BICRA: variants seen among roughly 807,000 people sequenced by gnomAD.
BICRA encodes BRD4 interacting chromatin remodeling complex associated protein.
A neutral mutation model predicts 96.9 loss-of-function variants in BICRA; 31 were observed. The observed-to-expected ratio is 0.32, with a 90% CI of 0.24 to 0.43. BICRA has a LOEUF of 0.43. BICRA is among the 20% of genes least tolerant of loss of function. The probability of loss-of-function intolerance (pLI) is 1.00; values close to 1 mark genes in which losing one functional copy is unlikely to be tolerated. For synonymous variants in BICRA, 1,350 were observed against 1,071.8 expected (o/e 1.26, Z -5.07); for missense variants, 2,283 against 2,190.3 (o/e 1.04, Z -0.84).
chr19:47,653,806 C>A (rs1001072493), intron 1 of BICRA, among the ~76,000 whole-genome samples: 6 of 152,146 alleles, frequency 3.9e-5, no homozygotes, highest in African/African-American at 1.4e-4. Flanking sequence ...AGTAAAGGTG[C>A]TGCGGATGTT....
intron 7 of BICRA, among the ~76,000 whole-genome samples, chr19:47,683,680 G>C (rs533890697): frequency 6.6e-6 from 1 of 152,088 alleles, no homozygotes; most frequent in East Asian, 1.9e-4. Flanking sequence ...CGCCTCTCGG[G>C]TTCACGCCAT....
chr19:47,613,214 G>A (rs555252114), intron 1 of BICRA, among the ~76,000 whole-genome samples: 1 of 152,038 alleles, frequency 6.6e-6, no homozygotes, highest in Admixed American at 6.6e-5. Context: ...GTTCCTGGGG[G>A]TGTATAAGGC....
At chr19:47,635,014 G>A (rs985754742) in intron 1 of BICRA, among the ~76,000 whole-genome samples, 2 of 151,972 alleles carry the variant, frequency 1.3e-5, no homozygotes, top group Non-Finnish European at 2.9e-5. Flanking sequence ...CGCCCGCCTT[G>A]GCCTCCCAAA....
chr19:47,703,263 T>G lies in BICRA; in HGVS notation c.*848T>G, dbSNP rs1466198740. 1 of 152,538 alleles carries G rather than the reference T, an allele frequency of 6.6e-6. No individual in the cohort carries two copies. Among genetic ancestry groups the G allele is most frequent in the Non-Finnish European group, 1.5e-5 (1 of 68,036 alleles). 9.4% of individuals were successfully genotyped at this position (152,538 alleles called of 1,614,324 possible). ...CTCTTGTAAATTAAAAACCGATCCT[T>G]TTTTTAAAACTGTACTCATGCCCCC... On this transcript the variant is annotated 3_prime_UTR_variant, in exon 15 of 15. Coordinates refer to ENST00000594866, the MANE Select transcript of BICRA (RefSeq NM_001394372.1).
chr19:47,678,076 A>T (rs1176130802), intron 5 of BICRA, among the ~76,000 whole-genome samples: 1 of 152,188 alleles, frequency 6.6e-6, no homozygotes, highest in Non-Finnish European at 1.5e-5. Context: ...TTGTGGGCCT[A>T]TATCACTATT....
At chr19:47,633,758 A>AT (rs1311646659) in intron 1 of BICRA, among the ~76,000 whole-genome samples, 1 of 152,252 alleles carries the variant, frequency 6.6e-6, no homozygotes, top group East Asian at 1.9e-4. Flanking sequence ...GGTATTAATC[A>AT]TGCTAATGGT....
In BICRA at chr19:47,698,839, C is replaced by T. The variant is rs905273081; in HGVS notation, c.3397+57C>T. 8 of 1,450,034 alleles carry T rather than the reference C, an allele frequency of 5.5e-6. No individual in the cohort carries two copies. Among genetic ancestry groups the T allele is most frequent in the Non-Finnish European group, 7.6e-6 (8 of 1,056,692 alleles). The allele number at this position is 1,450,034 out of a possible 1,614,324, so 89.8% of individuals were successfully genotyped here. The stretch of plus-strand genomic sequence containing the variant: ...TCCCAGGGGACCCCAGCCCGTGGGG[C>T]GGGGCGTCGCCAGTGTGGAGCCGCA... On this transcript the variant is annotated intron_variant, in intron 12 of 14. Coordinates refer to ENST00000594866, the MANE Select transcript of BICRA (RefSeq NM_001394372.1). The surrounding 1 kb of genome is among the most constrained non-coding windows in gnomAD (Gnocchi z 4.8).
In BICRA at chr19:47,679,612, G is replaced by C. The variant is rs35338053; in HGVS notation, c.442G>C (p.Gly148Arg). ...CGGGGCAGGCCCGACGGGCGCTGGAGGGGCAGCGGCCGTGGCTGCGGGGCC... is the reference window on the plus strand; with the variant it reads ...CGGGGCAGGCCCGACGGGCGCTGGACGGGCAGCGGCCGTGGCTGCGGGGCC... ...DGGAGPTGAG[G>R]AAAVAAGPQA... The change falls in exon 6 of 15, where the codon GGG (glycine) becomes CGG (arginine). Residue 148 changes from glycine (G) to arginine (R), a missense_variant. Physicochemically the swap from Gly to Arg is moderately radical, Grantham distance 125. Transcript: ENST00000594866. 1.3e-6 allele frequency: 2 copies of C among 1,523,656 alleles called. No homozygotes were observed. The highest frequency in any genetic ancestry group is 1.4e-5 in the African/African-American group (1 of 72,110). The allele number at this position is 1,523,656 out of a possible 1,614,324, so 94.4% of individuals were successfully genotyped here. A position where few individuals can be genotyped will look rare whatever the true frequency, so the allele number is the denominator to read the frequency against.
In BICRA at chr19:47,694,313, C is replaced by T; in HGVS notation, c.2482C>T (p.Pro828Ser). 1 of 1,087,484 alleles carries T rather than the reference C, an allele frequency of 9.2e-7. No individual in the cohort carries two copies. The highest frequency in any genetic ancestry group is 2.6e-5 in the East Asian group (1 of 38,156). The allele number at this position is 1,087,484 out of a possible 1,614,324, so 67.4% of individuals were successfully genotyped here. A position where few individuals can be genotyped will look rare whatever the true frequency, so the allele number is the denominator to read the frequency against. Residue 828 changes from proline to serine, a missense_variant, in exon 8 of 15, where the codon CCC (proline) becomes TCC (serine). Pro to Ser is a moderately conservative substitution (Grantham distance 74, BLOSUM62 -1). Transcript: ENST00000594866. ...PLHPCPPPQA[P>S]PTLPGIFVIQ... The stretch of plus-strand genomic sequence containing the variant: ...GCACCCTTGCCCCCCACCCCAGGCC[C>T]CCCCAACTCTGCCTGGCATCTTTGT...
chr19:47,613,237 C>T lies in BICRA; in HGVS notation c.-108+4069C>T, dbSNP rs566705551. On this transcript the variant is annotated intron_variant, in intron 1 of 14. Coordinates refer to ENST00000594866, the MANE Select transcript of BICRA (RefSeq NM_001394372.1). Reference sequence around the variant, plus strand: ...GGGTGTATAAGGCTCCCCAGGTTCCCGTGGGCCACCTTGTAGCCCAGGTCT... The same window carrying T: ...GGGTGTATAAGGCTCCCCAGGTTCCTGTGGGCCACCTTGTAGCCCAGGTCT... Among the ~76,000 whole-genome samples the T allele has an allele frequency of 1.7e-4, 26 of 152,192 alleles. 1 individual carries two copies. The highest frequency in any genetic ancestry group is 2.1e-4 in the South Asian group (1 of 4,810).
Position 47,701,343 on chromosome 19 carries a change from C to T in BICRA, c.3611C>T (p.Ser1204Phe). 1.2e-6 allele frequency: 2 copies of T among 1,610,930 alleles called. No homozygotes were observed. The highest frequency in any genetic ancestry group is 1.7e-6 in the Non-Finnish European group (2 of 1,179,226). ...GATTCTGCAGACGAGTACGTGTCTT[C>T]CTCCCGCTCGCTCGGCCTCCCCATC... is the stretch of plus-strand genomic sequence containing the variant. ...AKEKPDEYVSSSRSLGLPIAA... is the reference protein window; with the variant it reads ...AKEKPDEYVSFSRSLGLPIAA... Residue 1204 changes from serine (S) to phenylalanine (F), a missense_variant, in exon 15 of 15, where the codon TCC becomes TTC. Physicochemically the swap from Ser to Phe is radical, Grantham distance 155. Transcript: ENST00000594866. The surrounding 1 kb of genome is among the most constrained non-coding windows in gnomAD (Gnocchi z 5.4).
chr19:47,667,015 C>CT (rs894487785), intron 1 of BICRA, among the ~76,000 whole-genome samples: 1 of 150,930 alleles, frequency 6.6e-6, no homozygotes, highest in African/African-American at 2.4e-5. Flanking sequence ...CCGTTCATGT[C>CT]TTTTTTCTTT....
At chr19:47,638,430 C>G (rs971334555) in intron 1 of BICRA, among the ~76,000 whole-genome samples, 1 of 152,146 alleles carries the variant, frequency 6.6e-6, no homozygotes, top group African/African-American at 2.4e-5. Context: ...GTATAAAACT[C>G]AGATGGTACC....
At chr19:47,628,612 G>T (rs1272559686) in intron 1 of BICRA, among the ~76,000 whole-genome samples, 1 of 152,044 alleles carries the variant, frequency 6.6e-6, no homozygotes, top group East Asian at 1.9e-4. Flanking sequence ...TGACCTCTGT[G>T]GGGAGTTTGG....
Position 47,679,431 on chromosome 19 carries a change from AG to A in BICRA, c.266del (p.Gly89AlafsTer88). 3 of 1,489,076 alleles carry A rather than the reference AG, an allele frequency of 2.0e-6. No homozygotes were observed. Among genetic ancestry groups the A allele is most frequent in the Non-Finnish European group, 9.0e-7 (1 of 1,117,184 alleles). 92.2% of individuals were successfully genotyped at this position (1,489,076 alleles called of 1,614,324 possible). A position where few individuals can be genotyped will look rare whatever the true frequency, so the allele number is the denominator to read the frequency against. Reference protein sequence around the residue: ...EDDILGSPATGGGGGGSGGAD... With the variant: ...EDDILGSPATXGGGGGSGGAD... ...ATGACATCCTGGGCTCTCCTGCGACAGGGGGCGGCGGCGGGGGCAGTGGGGG... is the reference window on the plus strand; with the variant it reads ...ATGACATCCTGGGCTCTCCTGCGACAGGGGCGGCGGCGGGGGCAGTGGGGG... On this transcript the variant is annotated frameshift_variant, in exon 6 of 15. Transcript: ENST00000594866. LOFTEE classifies it high-confidence loss of function.
chr19:47,636,436 T>C lies in BICRA; in HGVS notation c.-108+27268T>C, dbSNP rs528933667. 2.0e-5 allele frequency among the ~76,000 whole-genome samples: 3 copies of C among 152,298 alleles called. No individual in the cohort carries two copies. In the South Asian group the frequency reaches 6.2e-4, roughly 32 times the overall value. ...GTTGCCCAGGTTGGTCTCCAACTCTTGAGCTCAAGTGATCCTCCTGCCTGG... is the reference window on the plus strand; with the variant it reads ...GTTGCCCAGGTTGGTCTCCAACTCTCGAGCTCAAGTGATCCTCCTGCCTGG... On this transcript the variant is annotated intron_variant, in intron 1 of 14. Transcript: ENST00000594866.
rs1380629086 is a variant in BICRA, at chr19:47,679,993, C to T, written c.823C>T (p.Leu275=). 2 of 1,483,058 alleles carry T rather than the reference C, an allele frequency of 1.3e-6. No homozygotes were observed. The highest frequency in any genetic ancestry group is 1.8e-6 in the Non-Finnish European group (2 of 1,126,362). 91.9% of individuals were successfully genotyped at this position (1,483,058 alleles called of 1,614,324 possible). A position where few individuals can be genotyped will look rare whatever the true frequency, so the allele number is the denominator to read the frequency against. The change falls in exon 6 of 15, where the codon CTG becomes TTG. Residue 275 remains leucine, a synonymous_variant. Transcript: ENST00000594866. ...GGCTGGCCCCTCGGAGCCCGTGACG[C>T]TGGCGTCGGCCGGTGTCTCGCCACA... ...SAAGPSEPVT[L]ASAGVSPQGA...
Position 47,651,684 on chromosome 19 carries a change from C to T in BICRA, c.-107-18759C>T, listed in dbSNP as rs1187833013. 2.0e-5 allele frequency among the ~76,000 whole-genome samples: 3 copies of T among 152,122 alleles called. No homozygotes were observed. The East Asian group carries it at 5.8e-4, about 29-fold the overall frequency. On this transcript the variant is annotated intron_variant, in intron 1 of 14. Coordinates refer to ENST00000594866, the MANE Select transcript of BICRA (RefSeq NM_001394372.1). ...CAGCACGATCTTAAATAAAATAGGT[C>T]GCTCTGGCCACCAAGTGGGGAACTG... is the stretch of plus-strand genomic sequence containing the variant.
At chr19:47,623,305 G>A (rs1244932485) in intron 1 of BICRA, among the ~76,000 whole-genome samples, 1 of 152,006 alleles carries the variant, frequency 6.6e-6, no homozygotes, top group Non-Finnish European at 1.5e-5. Flanking sequence ...TTAGAGGGTC[G>A]CCTTGTTGGT....
Sources: gnomAD v4.1 joint callset for allele counts (sites outside exome capture counted in the v4.1 genomes callset) on GRCh38, gnomAD v4.1.1 for gene constraint, Gnocchi (gnomAD v3.1) non-coding constraint, MANE v1.5 for transcripts, NCBI Gene and HGNC (gene_info 2026-07-23, HGNC 2026-07-21) for gene names.